NLGN1: variants seen among roughly 807,000 people sequenced by gnomAD.
The protein encoded by NLGN1 is neuroligin-1.
A neutral mutation model predicts 65.5 loss-of-function variants in NLGN1; 12 were observed. That is an observed-to-expected ratio of 0.18 (90% CI 0.12 to 0.30). The LOEUF (loss-of-function observed/expected upper bound fraction) is 0.30, where lower values mean the gene tolerates loss of function less well. Ranked by LOEUF, NLGN1 falls within the 10% of genes least tolerant of loss-of-function variation. The pLI, the probability that NLGN1 is intolerant of heterozygous loss-of-function variation, is 1.00. For missense variants in NLGN1, 750 were observed against 1,007.1 expected (o/e 0.74, Z 3.46); for synonymous variants, 350 against 359.5 (o/e 0.97, Z 0.30).
rs909371260 is a variant in NLGN1, at chr3:174,163,994, T to C, written c.647-111321T>C. 5.9e-5 allele frequency among the ~76,000 whole-genome samples: 9 copies of C among 152,170 alleles called. No individual in the cohort carries two copies. In the East Asian group the frequency reaches 1.7e-3, roughly 29 times the overall value. The stretch of plus-strand genomic sequence containing the variant: ...CAAATGATACCTCTGTTTTAAGTTC[T>C]TTAGAAATCTCCAATCTGCTTTTCA... On this transcript the variant is annotated intron_variant, in intron 4 of 6. Transcript: ENST00000457714.
At chr3:174,246,285 G>A (rs1015076368) in intron 4 of NLGN1, among the ~76,000 whole-genome samples, 2 of 152,114 alleles carry the variant, frequency 1.3e-5, no homozygotes, top group African/African-American at 4.8e-5. Context: ...TATATTGGTT[G>A]CTCTGTATAT....
intron 2 of NLGN1, among the ~76,000 whole-genome samples, chr3:173,587,309 G>A (rs957654833): frequency 6.6e-6 from 1 of 151,154 alleles, no homozygotes; most frequent in Admixed American, 6.6e-5. Context: ...ACTTGGAGGG[G>A]CTGTATCCTT....
intron 2 of NLGN1, among the ~76,000 whole-genome samples, chr3:173,581,158 A>C (rs1746334166): frequency 6.6e-6 from 1 of 152,012 alleles, no homozygotes; most frequent in Admixed American, 6.6e-5. Flanking sequence ...TTGACAATTA[A>C]CTCAAGCATT....
At chr3:173,506,904 A>G (rs980372948) in intron 2 of NLGN1, among the ~76,000 whole-genome samples, 1 of 152,172 alleles carries the variant, frequency 6.6e-6, no homozygotes, top group Non-Finnish European at 1.5e-5. Flanking sequence ...AAAGGTCAAA[A>G]TGAAAAAGAA....
rs146857902 is a variant in NLGN1, at chr3:173,828,503, A to G, written c.646+20671A>G. On this transcript the variant is annotated intron_variant, in intron 4 of 6. Transcript: ENST00000457714. ...TGCTAGATACTGATCTAGGTATTGG[A>G]CACAGAGCAGCAAACACAAGATACA... Among the ~76,000 whole-genome samples, 34 of 152,282 alleles carry G rather than the reference A, an allele frequency of 2.2e-4. No homozygotes were observed. The East Asian group carries it at 4.8e-3, about 22-fold the overall frequency.
chr3:174,051,692 G>A (rs2152503912), intron 4 of NLGN1, among the ~76,000 whole-genome samples: 1 of 152,046 alleles, frequency 6.6e-6, no homozygotes, highest in East Asian at 1.9e-4. Flanking sequence ...AGAACTAATG[G>A]GATCAAACTA....
chr3:173,977,108 C>A (rs889191444), intron 4 of NLGN1, among the ~76,000 whole-genome samples: 1 of 144,188 alleles, frequency 6.9e-6, no homozygotes. Flanking sequence ...CACACACACG[C>A]ACACACACAC....
intron 4 of NLGN1, 87 bp downstream of exon 4, chr3:173,807,919 T>A: frequency 7.4e-7 from 1 of 1,360,390 alleles, no homozygotes; most frequent in Non-Finnish European, 1.0e-6. Context: ...TGCTTTGCTT[T>A]GTTTCACCCA....
chr3:174,090,417 G>A (rs1032571705), intron 4 of NLGN1, among the ~76,000 whole-genome samples: 1 of 152,084 alleles, frequency 6.6e-6, no homozygotes, highest in African/African-American at 2.4e-5. Flanking sequence ...AGTTTGCAGT[G>A]AGCTGAGATC....
At chr3:174,091,091 A>AG (rs1242288738) in intron 4 of NLGN1, among the ~76,000 whole-genome samples, 1 of 152,166 alleles carries the variant, frequency 6.6e-6, no homozygotes, top group African/African-American at 2.4e-5. Context: ...TGACCTTCCC[A>AG]GGGCAGTGAT....
At chr3:174,177,766 C>G (rs1294858176) in intron 4 of NLGN1, among the ~76,000 whole-genome samples, 3 of 151,966 alleles carry the variant, frequency 2.0e-5, no homozygotes, top group Non-Finnish European at 4.4e-5. Context: ...TTATATTCTC[C>G]TTAAGAAATA....
chr3:173,554,169 A>G (rs1309631169), intron 2 of NLGN1, among the ~76,000 whole-genome samples: 1 of 152,220 alleles, frequency 6.6e-6, no homozygotes, highest in African/African-American at 2.4e-5. Flanking sequence ...TAAAGCTTCC[A>G]GATAGTATAA....
In NLGN1 at chr3:173,723,477, C is replaced by T. The variant is rs557019062; in HGVS notation, c.494-84203C>T. On this transcript the variant is annotated intron_variant, in intron 3 of 6. Transcript: ENST00000457714. ...TTTCTTTTTACATACACAATAACTT[C>T]TCATTTCAATGTTGAATCATAGTGG... is the stretch of plus-strand genomic sequence containing the variant. 3.3e-5 allele frequency among the ~76,000 whole-genome samples: 5 copies of T among 152,188 alleles called. No homozygotes were observed. The East Asian group carries it at 9.7e-4, about 29-fold the overall frequency.
At chr3:173,842,940 G>A (rs1725055412) in intron 4 of NLGN1, among the ~76,000 whole-genome samples, 2 of 152,200 alleles carry the variant, frequency 1.3e-5, no homozygotes, top group South Asian at 2.1e-4. Context: ...CCCTAGCAGA[G>A]GTTCTCCATG....
upstream of NLGN1, among the ~76,000 whole-genome samples, chr3:173,397,593 TTTC>T (rs1225524215): frequency 1.4e-4 from 21 of 151,958 alleles, no homozygotes; most frequent in African/African-American, 5.1e-4. Flanking sequence ...ATGCATCTTC[TTTC>T]TTCTTGGCCT....
chr3:173,474,802 AC>A (rs1725911897), intron 2 of NLGN1, among the ~76,000 whole-genome samples: 1 of 152,034 alleles, frequency 6.6e-6, no homozygotes, highest in African/African-American at 2.4e-5. Flanking sequence ...TACTAAAAAT[AC>A]AAAAATTATC....
chr3:174,120,344 T>TAA (rs529887775), intron 4 of NLGN1, among the ~76,000 whole-genome samples: 31 of 141,748 alleles, frequency 2.2e-4, no homozygotes, highest in Middle Eastern at 7.3e-3. Flanking sequence ...CTACTATAAA[T>TAA]AAAAAAAAAA....
intron 5 of NLGN1, among the ~76,000 whole-genome samples, chr3:174,276,410 G>A (rs1435561403): frequency 6.6e-6 from 1 of 151,810 alleles, no homozygotes; most frequent in East Asian, 1.9e-4. Flanking sequence ...TACTTTTTCT[G>A]CATTATTTAT....
Position 173,909,829 on chromosome 3 carries a change from C to T in NLGN1, c.646+101997C>T, listed in dbSNP as rs576556163. ...GAGTAGCTGGGAATACGGGCATGTG[C>T]CACCACGCCCAGCTAATTTTGTATT... On this transcript the variant is annotated intron_variant, in intron 4 of 6. Coordinates refer to ENST00000457714, the Ensembl canonical transcript of NLGN1. Among the ~76,000 whole-genome samples, 3 of 152,254 alleles carry T rather than the reference C, an allele frequency of 2.0e-5. No individual in the cohort carries two copies. In the South Asian group the frequency reaches 6.2e-4, roughly 32 times the overall value.
Sources: gnomAD v4.1 joint callset for allele counts (sites outside exome capture counted in the v4.1 genomes callset) on GRCh38, gnomAD v4.1.1 for gene constraint, MANE v1.5 for transcripts, NCBI Gene and HGNC (gene_info 2026-07-23, HGNC 2026-07-21) for gene names.